Variants in PIGX observed in about 807,000 individuals in gnomAD.
The protein encoded by PIGX is GPI alpha-1,4-mannosyltransferase I, stabilizing subunit.
PIGX carries 24 observed loss-of-function variants against 28.7 expected under a neutral mutation model. The observed-to-expected ratio is 0.84, with a 90% CI of 0.60 to 1.17. The LOEUF is 1.17. PIGX is among the 50% of genes most tolerant of loss of function. The pLI is 0.00. For missense variants in PIGX, 305 were observed against 317.8 expected (o/e 0.96, Z 0.31); for synonymous variants, 127 against 121.0 (o/e 1.05, Z -0.33).
At chr3:196,714,709 C>T (rs1326101684) in intron 1 of PIGX, among the ~76,000 whole-genome samples, 1 of 152,178 alleles carries the variant, frequency 6.6e-6, no homozygotes, top group African/African-American at 2.4e-5. Context: ...ATCTGCCTGC[C>T]TCCCCCTCCC....
chr3:196,721,168 C>CT, intron 2 of PIGX: 1 of 377,120 alleles, frequency 2.7e-6, no homozygotes, highest in Non-Finnish European at 5.1e-6. Context: ...ATTCTCTTCT[C>CT]TTTTTTAGGA....
In PIGX at chr3:196,731,068, A is replaced by G. The variant is rs186657127; in HGVS notation, c.609A>G (p.Gln203=). The G allele has an allele frequency of 1.2e-4, 184 of 1,594,854 alleles. No individual in the cohort carries two copies. Among genetic ancestry groups the G allele is most frequent in the African/African-American group, 5.1e-4 (38 of 74,624 alleles). The change falls in exon 5 of 6, where the codon CAA becomes CAG. Residue 203 remains glutamine, a synonymous_variant. Transcript: ENST00000392391. ...CTTTGGAGAATGAGGATATCTGCCA[A>G]TGGAACAAGATGAAGTATAAATCAG... is the stretch of plus-strand genomic sequence containing the variant.
intron 1 of PIGX, among the ~76,000 whole-genome samples, chr3:196,716,381 T>TA (rs1242480463): frequency 1.3e-5 from 2 of 152,200 alleles, no homozygotes; most frequent in Non-Finnish European, 2.9e-5. Context: ...ATCTATCTGA[T>TA]ACACAGTTTC....
intron 3 of PIGX, among the ~76,000 whole-genome samples, chr3:196,724,254 A>T (rs886302094): frequency 2.6e-5 from 4 of 152,148 alleles, no homozygotes; most frequent in Admixed American, 6.5e-5. Flanking sequence ...ACCTCAGGTT[A>T]TCTGCCCACC....
chr3:196,715,519 T>A (rs1712062344), intron 1 of PIGX, among the ~76,000 whole-genome samples: 1 of 152,260 alleles, frequency 6.6e-6, no homozygotes, highest in African/African-American at 2.4e-5. Flanking sequence ...TAGATATTAT[T>A]TAACCAGTTA....
At chr3:196,731,821 CTTAT>C (rs200642879) in intron 5 of PIGX, among the ~76,000 whole-genome samples, 4 of 151,582 alleles carry the variant, frequency 2.6e-5, no homozygotes, top group East Asian at 1.9e-4. Context: ...TTCAGTTGTC[CTTAT>C]TTATTTATTT....
chr3:196,716,984 A>G (rs1712123462), intron 2 of PIGX, 63 bp downstream of exon 2: 1 of 997,624 alleles, frequency 1.0e-6, no homozygotes, highest in South Asian at 1.3e-5. Context: ...AGAGCAAAAA[A>G]TTGATGGTTG....
Position 196,733,898 on chromosome 3 carries a change from T to C in PIGX, c.773T>C (p.Leu258Pro). ...GTTTTCAAATATGGCCATTTTTCCCTATAAGTTTTATGTAGTTAAATGCTT... is the reference window on the plus strand; with the variant it reads ...GTTTTCAAATATGGCCATTTTTCCCCATAAGTTTTATGTAGTTAAATGCTT... Residue 258 changes from leucine to proline, a missense_variant, in exon 6 of 6, where the codon CTA (leucine) becomes CCA (proline). Coordinates refer to ENST00000392391, the MANE Select transcript of PIGX (RefSeq NM_017861.4). The surrounding 1 kb of genome is among the most constrained non-coding windows in gnomAD (Gnocchi z 4.3). 1 of 1,587,866 alleles carries C rather than the reference T, an allele frequency of 6.3e-7. No individual in the cohort carries two copies. Among genetic ancestry groups the C allele is most frequent in the Non-Finnish European group, 8.6e-7 (1 of 1,156,482 alleles).
rs1453086744 is a variant in PIGX, at chr3:196,735,325, G to C, written c.*1423G>C. On this transcript the variant is annotated 3_prime_UTR_variant, in exon 6 of 6. Transcript: ENST00000392391. ...AAAAAAAAAAAAAAAAAAAAAAAAA[G>C]TAAATAAAACCTTAGGGCAAGCATG... The C allele has an allele frequency of 1.6e-5, 1 of 62,080 alleles. No homozygotes were observed. Among genetic ancestry groups the C allele is most frequent in the Non-Finnish European group, 3.5e-5 (1 of 28,792 alleles). 3.8% of individuals were successfully genotyped at this position (62,080 alleles called of 1,614,324 possible).
intron 3 of PIGX, among the ~76,000 whole-genome samples, chr3:196,723,955 T>G (rs1159920603): frequency 2.0e-5 from 3 of 152,040 alleles, no homozygotes; most frequent in African/African-American, 7.2e-5. Flanking sequence ...TCTCAGTTTT[T>G]TGTGTATGTA....
intron 2 of PIGX, chr3:196,721,260 T>C (rs1235680200): frequency 3.0e-6 from 1 of 336,030 alleles, no homozygotes; most frequent in East Asian, 1.1e-4. Context: ...TGGTCTTTTT[T>C]CCTCTCTGTG....
chr3:196,734,748 C>T lies in PIGX; in HGVS notation c.*846C>T, dbSNP rs1243433707. 6.6e-6 allele frequency: 1 copy of T among 152,062 alleles called. No individual in the cohort carries two copies. The highest frequency in any genetic ancestry group is 1.5e-5 in the Non-Finnish European group (1 of 68,022). The allele number at this position is 152,062 out of a possible 1,614,324, so 9.4% of individuals were successfully genotyped here. Reference sequence around the variant, plus strand: ...TCTTAAATTATTGATTATTCCTTAACGCACTCCATTCTCCTTTTACATTTT... The same window carrying T: ...TCTTAAATTATTGATTATTCCTTAATGCACTCCATTCTCCTTTTACATTTT... On this transcript the variant is annotated 3_prime_UTR_variant, in exon 6 of 6. Transcript: ENST00000392391.
Position 196,733,299 on chromosome 3 carries a change from G to A in PIGX, c.634-460G>A, listed in dbSNP as rs2108692443. Among the ~76,000 whole-genome samples, 1 of 152,228 alleles carries A rather than the reference G, an allele frequency of 6.6e-6. No individual in the cohort carries two copies. Among genetic ancestry groups the A allele is most frequent in the South Asian group, 2.1e-4 (1 of 4,822 alleles). On this transcript the variant is annotated intron_variant, in intron 5 of 5. Transcript: ENST00000392391. The surrounding 1 kb of genome is among the most constrained non-coding windows in gnomAD (Gnocchi z 4.3). ...TCAAACCAATAATATTACATGTAGT[G>A]TAGCACTGGCTGAAATATATTTAAA...
intron 4 of PIGX, 67 bp downstream of exon 4, chr3:196,728,203 T>C (rs764817903): frequency 2.3e-6 from 3 of 1,303,592 alleles, no homozygotes; most frequent in Non-Finnish European, 3.3e-6. Context: ...AAGTCCTCCT[T>C]CTGCTAGGCT....
chr3:196,713,010 T>C, intron 1 of PIGX: 1 of 991,012 alleles, frequency 1.0e-6, no homozygotes, highest in Non-Finnish European at 1.2e-6. Flanking sequence ...GGCCTGAGAA[T>C]CCCCAAACTG....
chr3:196,732,216 T>TTATA (rs1175656364), intron 5 of PIGX, among the ~76,000 whole-genome samples: 697 of 51,176 alleles, frequency 0.014, 6 homozygotes, highest in East Asian at 0.026. Context: ...TATATATTAT[T>TTATA]TATATATATA....
chr3:196,731,463 C>G (rs1394563419), intron 5 of PIGX, among the ~76,000 whole-genome samples: 2 of 152,196 alleles, frequency 1.3e-5, no homozygotes, highest in Non-Finnish European at 2.9e-5. Context: ...CAGGCATGAG[C>G]CACCGTGCCC....
rs1457982810 is a variant in PIGX, at chr3:196,734,777, A to G, written c.*875A>G. ...CTCCATTCTCCTTTTACATTTTATC[A>G]TGTTTCTTTTGAATATATGAATTGG... On this transcript the variant is annotated 3_prime_UTR_variant, in exon 6 of 6. Transcript: ENST00000392391. 2 of 152,154 alleles carry G rather than the reference A, an allele frequency of 1.3e-5. No individual in the cohort carries two copies. The highest frequency in any genetic ancestry group is 1.9e-4 in the East Asian group (1 of 5,198). The allele number at this position is 152,154 out of a possible 1,614,324, so 9.4% of individuals were successfully genotyped here.
intron 2 of PIGX, among the ~76,000 whole-genome samples, chr3:196,717,360 G>A (rs1295786465): frequency 6.6e-6 from 1 of 151,744 alleles, no homozygotes; most frequent in East Asian, 1.9e-4. Context: ...TGGCATATGT[G>A]GTTCACACTT....
Sources: allele counts gnomAD v4.1 joint callset (sites outside exome capture counted in the v4.1 genomes callset), GRCh38; gene constraint gnomAD v4.1.1; non-coding constraint Gnocchi (gnomAD v3.1); transcripts MANE v1.5; gene names NCBI Gene and HGNC (gene_info 2026-07-23, HGNC 2026-07-21).